Variants in XIRP2 observed in about 807,000 individuals in gnomAD.
The protein encoded by XIRP2 is xin actin binding repeat containing 2.
XIRP2 carries 236 observed loss-of-function variants against 277.0 expected under a neutral mutation model. That is an observed-to-expected ratio of 0.85 (90% CI 0.77 to 0.95). The LOEUF (loss-of-function observed/expected upper bound fraction) is 0.95. Ranked by LOEUF, XIRP2 falls within the 40% of genes least tolerant of loss-of-function variation. The pLI is 0.00. For missense variants in XIRP2, 4,640 were observed against 4,157.5 expected, an observed-to-expected ratio of 1.12 and a Z score of -3.19; for synonymous variants, 1,490 against 1,416.5, an observed-to-expected ratio of 1.05 and a Z score of -1.17.
Position 167,200,075 on chromosome 2 carries a change from G to A in XIRP2, c.563-10660G>A, listed in dbSNP as rs543855887. Among the ~76,000 whole-genome samples, 8 of 152,288 alleles carry A rather than the reference G, an allele frequency of 5.3e-5. No homozygotes were observed. The South Asian group carries it at 1.7e-3, about 32-fold the overall frequency. On this transcript the variant is annotated intron_variant, in intron 3 of 10. Transcript: ENST00000409195. Reference sequence around the variant, plus strand: ...AACTAGTTTAAATAGAATGAGTAATGAAATTAAATAGAAAGGAGATGCGTA... The same window carrying A: ...AACTAGTTTAAATAGAATGAGTAATAAAATTAAATAGAAAGGAGATGCGTA...
intron 2 of XIRP2, among the ~76,000 whole-genome samples, chr2:167,070,739 A>G (rs900872148): frequency 1.3e-5 from 2 of 152,144 alleles, no homozygotes; most frequent in Non-Finnish European, 2.9e-5. Flanking sequence ...CTTTTTCAAG[A>G]TTTGACTTGG....
At chr2:167,053,370 A>G (rs967786469) in intron 2 of XIRP2, among the ~76,000 whole-genome samples, 8 of 152,084 alleles carry the variant, frequency 5.3e-5, no homozygotes, top group African/African-American at 1.9e-4. Context: ...AAAAAAGATA[A>G]TGTTCTCTTG....
At chr2:167,024,514 G>A (rs1171360847) in intron 2 of XIRP2, among the ~76,000 whole-genome samples, 1 of 152,088 alleles carries the variant, frequency 6.6e-6, no homozygotes, top group East Asian at 1.9e-4. Flanking sequence ...GTGAGAGAGG[G>A]CATCCCTGTC....
chr2:167,243,454 G>GA lies in XIRP2; in HGVS notation c.2063dup (p.Asp688GlufsTer10), dbSNP rs758123213. The GA allele has an allele frequency of 2.2e-5, 35 of 1,613,946 alleles. No individual in the cohort carries two copies. Among genetic ancestry groups the GA allele is most frequent in the Non-Finnish European group, 2.8e-5 (33 of 1,179,972 alleles). Reference sequence around the variant, plus strand: ...TATCAGTAAGGACATAACTGGGGGGGATGTCAAGACTGTGAGATACATGTT... The same window carrying GA: ...TATCAGTAAGGACATAACTGGGGGGGAATGTCAAGACTGTGAGATACATGTT... On this transcript the variant is annotated frameshift_variant, in exon 9 of 11. Transcript: ENST00000409195. LOFTEE classifies it high-confidence loss of function.
At chr2:166,910,628 T>C (rs1464088091) in intron 2 of XIRP2, among the ~76,000 whole-genome samples, 1 of 152,200 alleles carries the variant, frequency 6.6e-6, no homozygotes, top group Non-Finnish European at 1.5e-5. Context: ...TCTGCTCTGA[T>C]CCTAGTTATT....
intron 1 of XIRP2, among the ~76,000 whole-genome samples, chr2:166,899,138 G>A (rs1484530611): frequency 1.3e-5 from 2 of 151,958 alleles, no homozygotes; most frequent in Non-Finnish European, 2.9e-5. Context: ...AACACATTTT[G>A]ATTTAGCTAT....
In XIRP2 at chr2:167,002,676, A is replaced by T. The variant is rs546731394; in HGVS notation, c.408+98786A>T. ...TCTGGCTTATTTATAAGGATGTCTT[A>T]TCTCACCTTATAGAAGTTAAATTCT... On this transcript the variant is annotated intron_variant, in intron 2 of 10. Coordinates refer to ENST00000409195, the MANE Select transcript of XIRP2 (RefSeq NM_152381.6). Among the ~76,000 whole-genome samples the T allele has an allele frequency of 2.6e-5, 4 of 152,050 alleles. No homozygotes were observed. The East Asian group carries it at 7.7e-4, about 29-fold the overall frequency.
chr2:167,042,562 A>G (rs1048122619), intron 2 of XIRP2, among the ~76,000 whole-genome samples: 1 of 152,186 alleles, frequency 6.6e-6, no homozygotes, highest in Admixed American at 6.5e-5. Context: ...TGCCATTCTT[A>G]TCTCAGAGAA....
At position 167,104,274 on chromosome 2, in the gene XIRP2, T is replaced by C. The variant is rs1019877134; in HGVS notation, c.409-31635T>C. Among the ~76,000 whole-genome samples the C allele has an allele frequency of 4.6e-5, 7 of 152,200 alleles. No homozygotes were observed. In the East Asian group the frequency reaches 1.3e-3, roughly 29 times the overall value. ...CATCTTGTTCTTTTTAAAATAAGCA[T>C]GCACAAAAGAAGCGCATACTGATAA... On this transcript the variant is annotated intron_variant, in intron 2 of 10. Coordinates refer to ENST00000409195, the MANE Select transcript of XIRP2 (RefSeq NM_152381.6).
chr2:167,103,489 A>G (rs1277684142), intron 2 of XIRP2, among the ~76,000 whole-genome samples: 1 of 151,944 alleles, frequency 6.6e-6, no homozygotes, highest in East Asian at 1.9e-4. Flanking sequence ...TGCTCAAAAC[A>G]GCTTTCCCTA....
intron 10 of XIRP2, among the ~76,000 whole-genome samples, chr2:167,257,238 T>A (rs1695681597): frequency 6.6e-6 from 1 of 151,946 alleles, no homozygotes; most frequent in Non-Finnish European, 1.5e-5. Flanking sequence ...TGTATTTTGA[T>A]GTTGAGGGGG....
chr2:166,925,596 C>T (rs1912699), intron 2 of XIRP2, among the ~76,000 whole-genome samples: 8,336 of 101,896 alleles, frequency 0.082, 714 homozygotes, highest in East Asian at 0.45. Context: ...TGTGTATATA[C>T]ATATATATAT....
intron 3 of XIRP2, among the ~76,000 whole-genome samples, chr2:167,168,099 T>C (rs1394158796): frequency 6.6e-6 from 1 of 152,204 alleles, no homozygotes; most frequent in Non-Finnish European, 1.5e-5. Context: ...ATATAATTCT[T>C]ATCTATGCTA....
rs144529659 is a variant in XIRP2 at position 167,026,506 on chromosome 2, G to T, written c.409-109403G>T. 6.3e-3 allele frequency among the ~76,000 whole-genome samples: 962 copies of T among 152,232 alleles called. 14 individuals carry two copies. The highest frequency in any genetic ancestry group is 0.022 in the African/African-American group (914 of 41,536). On this transcript the variant is annotated intron_variant, in intron 2 of 10. Coordinates refer to ENST00000409195, the MANE Select transcript of XIRP2 (RefSeq NM_152381.6). ...AATTTGATCCTGTCATTTGATGTTA[G>T]CTGGTTATTTTGCTCATTAGTTGAT... is the stretch of plus-strand genomic sequence containing the variant.
intron 2 of XIRP2, among the ~76,000 whole-genome samples, chr2:167,119,394 C>T (rs1306687174): frequency 1.3e-5 from 2 of 152,122 alleles, no homozygotes; most frequent in African/African-American, 2.4e-5. Flanking sequence ...TTATTTAACT[C>T]GTTAATTAAT....
intron 2 of XIRP2, among the ~76,000 whole-genome samples, chr2:167,024,694 T>C (rs570844065): frequency 9.8e-5 from 15 of 152,306 alleles, no homozygotes; most frequent in Non-Finnish European, 1.5e-4. Flanking sequence ...AGGCCTTTTC[T>C]GCATCTATTG....
chr2:167,019,162 C>T (rs1440719851), intron 2 of XIRP2, among the ~76,000 whole-genome samples: 1 of 151,928 alleles, frequency 6.6e-6, no homozygotes, highest in Non-Finnish European at 1.5e-5. Context: ...GAAATATTTT[C>T]TACTTCCTGT....
At chr2:167,106,305 A>G (rs368826825) in intron 2 of XIRP2, among the ~76,000 whole-genome samples, 1 of 151,732 alleles carries the variant, frequency 6.6e-6, no homozygotes. Flanking sequence ...ATATTTTTAC[A>G]TGTTACATTT....
chr2:167,138,546 T>C (rs1691621454), intron 3 of XIRP2, among the ~76,000 whole-genome samples: 1 of 152,206 alleles, frequency 6.6e-6, no homozygotes, highest in South Asian at 2.1e-4. Context: ...TAAACCATAG[T>C]GCTCCCGTGT....
Sources: gnomAD v4.1 joint callset for allele counts (sites outside exome capture counted in the v4.1 genomes callset) on GRCh38, gnomAD v4.1.1 for gene constraint, MANE v1.5 for transcripts, NCBI Gene and HGNC (gene_info 2026-07-23, HGNC 2026-07-21) for gene names.